ARID5A: variants seen among roughly 807,000 people sequenced by gnomAD.
The protein encoded by ARID5A is AT-rich interaction domain 5A.
A neutral mutation model predicts 30.5 loss-of-function variants in ARID5A; 14 were observed. The ratio of observed to expected loss-of-function variants is 0.46; its 90% CI spans 0.30 to 0.72. The LOEUF is 0.72. ARID5A is among the 30% of genes least tolerant of loss of function. The pLI, the probability that ARID5A is intolerant of heterozygous loss-of-function variation, is 0.07. For missense variants in ARID5A, 669 were observed against 786.2 expected (o/e 0.85, Z 1.78); for synonymous variants, 338 against 340.4 (o/e 0.99, Z 0.08).
Position 96,537,879 on chromosome 2 carries a change from G to C in ARID5A, c.4+1049G>C. Reference sequence around the variant, plus strand: ...GGTCCAGTGTCCCTTTGTTTGCAGAGTCTTGGGCCAGTAAGGAGTGCTCCG... The same window carrying C: ...GGTCCAGTGTCCCTTTGTTTGCAGACTCTTGGGCCAGTAAGGAGTGCTCCG... On this transcript the variant is annotated intron_variant, in intron 1 of 6. Transcript: ENST00000357485. The surrounding 1 kb of genome is among the most constrained non-coding windows in gnomAD (Gnocchi z 4.8). 1 of 985,574 alleles carries C rather than the reference G, an allele frequency of 1.0e-6. No individual in the cohort carries two copies. Among genetic ancestry groups the C allele is most frequent in the South Asian group, 4.7e-5 (1 of 21,294 alleles). The allele number at this position is 985,574 out of a possible 1,614,324, so 61.1% of individuals were successfully genotyped here.
At chr2:96,538,105 T>G (rs2065775032) in intron 1 of ARID5A, 2 of 985,292 alleles carry the variant, frequency 2.0e-6, no homozygotes, top group Non-Finnish European at 2.4e-6. Context: ...GGCCTAGAAC[T>G]TGGTGTGGCA....
In ARID5A at chr2:96,547,380, CT is replaced by C. The variant is rs1423503321; in HGVS notation, c.5-21del. On this transcript the variant is annotated intron_variant, in intron 1 of 6. Transcript: ENST00000357485. ...CTCTCTCCCCACCCCTTCCTCCTTA[CT>C]CCTTCCCTCTCTCCTTGCAGCAGCC... 6 of 1,605,044 alleles carry C rather than the reference CT, an allele frequency of 3.7e-6. No homozygotes were observed. In the African/African-American group the frequency reaches 8.0e-5, roughly 21 times the overall value.
intron 1 of ARID5A, among the ~76,000 whole-genome samples, chr2:96,547,078 G>T (rs564736666): frequency 6.6e-6 from 1 of 152,110 alleles, no homozygotes; most frequent in Non-Finnish European, 1.5e-5. Context: ...GTCGGGGAGC[G>T]GGGAGGAGGG....
intron 1 of ARID5A, 150 bp downstream of exon 1, chr2:96,536,980 C>T (rs2065744310): frequency 1.9e-6 from 2 of 1,035,554 alleles, no homozygotes; most frequent in Non-Finnish European, 2.5e-6. Flanking sequence ...GGGGCGCGGG[C>T]CAAGGGGAGC....
At chr2:96,546,409 G>GGCGTT (rs2065928973) in intron 1 of ARID5A, among the ~76,000 whole-genome samples, 1 of 152,248 alleles carries the variant, frequency 6.6e-6, no homozygotes, top group African/African-American at 2.4e-5. Flanking sequence ...TTTTTGCAGT[G>GGCGTT]GCAGAGGTGT....
intron 1 of ARID5A, among the ~76,000 whole-genome samples, chr2:96,538,515 G>C (rs1431254911): frequency 2.6e-5 from 4 of 152,200 alleles, no homozygotes; most frequent in African/African-American, 9.6e-5. Context: ...TGCCCTGTTA[G>C]GGAGTGGGGG....
intron 2 of ARID5A, among the ~76,000 whole-genome samples, chr2:96,548,616 C>T (rs1370237736): frequency 5.3e-5 from 8 of 152,188 alleles, no homozygotes; most frequent in Non-Finnish European, 7.3e-5. Flanking sequence ...TGTCCTAGTC[C>T]AGATGGTTTA....
chr2:96,552,173 G>T lies in ARID5A; in HGVS notation c.1645G>T (p.Ala549Ser), dbSNP rs544853265. The change falls in exon 7 of 7, where the codon GCT becomes TCT. Residue 549 changes from alanine to serine, a missense_variant. Transcript: ENST00000357485. ...LATAGPSPMA[A>S]GLMHFPPTSF... ...CACCGCAGGCCCCTCGCCCATGGCC[G>T]CTGGCCTGATGCACTTCCCCCCAAC... 1 of 1,613,220 alleles carries T rather than the reference G, an allele frequency of 6.2e-7. No individual in the cohort carries two copies. Among genetic ancestry groups the T allele is most frequent in the Admixed American group, 1.7e-5 (1 of 60,008 alleles).
In ARID5A at chr2:96,549,471, G is replaced by C; in HGVS notation, c.259+12G>C. On this transcript the variant is annotated intron_variant, in intron 3 of 6. Transcript: ENST00000357485. This position sits in a 1 kb window ranked among gnomAD's most constrained non-coding sequence, Gnocchi z 6.1. The stretch of plus-strand genomic sequence containing the variant: ...CGGCTTCAAGCAGAGTGCGTCCCTG[G>C]GGTGCAGGCAGGGAGGGGGGCCCAG... The C allele has an allele frequency of 6.2e-7, 1 of 1,610,752 alleles. No homozygotes were observed. Among genetic ancestry groups the C allele is most frequent in the East Asian group, 2.2e-5 (1 of 44,796 alleles).
intron 1 of ARID5A, among the ~76,000 whole-genome samples, chr2:96,545,524 G>C (rs895296080): frequency 1.7e-4 from 26 of 152,214 alleles, no homozygotes; most frequent in African/African-American, 6.3e-4. Flanking sequence ...GACAACAAAG[G>C]ATTTAGAATG....
Position 96,549,979 on chromosome 2 carries a change from C to A in ARID5A, c.312+174C>A. On this transcript the variant is annotated intron_variant, in intron 4 of 6. Coordinates refer to ENST00000357485, the MANE Select transcript of ARID5A (RefSeq NM_212481.3). This position sits in a 1 kb window ranked among gnomAD's most constrained non-coding sequence, Gnocchi z 6.1. ...CTGCTCAAAGCAGCTTTTCAGCCTTCCCCATCTGTTCTGCCCGCCCCGTGT... is the reference window on the plus strand; with the variant it reads ...CTGCTCAAAGCAGCTTTTCAGCCTTACCCATCTGTTCTGCCCGCCCCGTGT... 1 of 1,533,492 alleles carries A rather than the reference C, an allele frequency of 6.5e-7. No individual in the cohort carries two copies. Among genetic ancestry groups the A allele is most frequent in the Non-Finnish European group, 8.7e-7 (1 of 1,143,908 alleles). The allele number at this position is 1,533,492 out of a possible 1,614,324, so 95.0% of individuals were successfully genotyped here. A position where few individuals can be genotyped will look rare whatever the true frequency, so the allele number is the denominator to read the frequency against.
intron 1 of ARID5A, 123 bp downstream of exon 1, chr2:96,536,953 G>T (rs2065743710): frequency 4.3e-6 from 5 of 1,160,932 alleles, no homozygotes; most frequent in Non-Finnish European, 5.4e-6. Flanking sequence ...GGCGGAGAGG[G>T]GCCCGGGGTG....
intron 1 of ARID5A, 81 bp downstream of exon 1, chr2:96,536,911 C>G: frequency 8.2e-7 from 1 of 1,220,856 alleles, no homozygotes. Flanking sequence ...CGGGTCCCCT[C>G]CAGCCCTCGT....
At chr2:96,544,591 C>T (rs2065895786) in intron 1 of ARID5A, among the ~76,000 whole-genome samples, 1 of 152,160 alleles carries the variant, frequency 6.6e-6, no homozygotes, top group African/African-American at 2.4e-5. Flanking sequence ...CTGTTGAGAC[C>T]TACTGCTCAG....
At chr2:96,546,764 A>G (rs1440740854) in intron 1 of ARID5A, among the ~76,000 whole-genome samples, 2 of 152,242 alleles carry the variant, frequency 1.3e-5, no homozygotes. Flanking sequence ...AACTCTGCAG[A>G]TGCTCAGGGA....
At chr2:96,538,031 G>A (rs1413276898) in intron 1 of ARID5A, 4 of 985,510 alleles carry the variant, frequency 4.1e-6, no homozygotes, top group Non-Finnish European at 4.8e-6. Flanking sequence ...GGGAGGTCGG[G>A]GCTCGAGGGC....
intron 1 of ARID5A, 140 bp from the exon 2 acceptor site, chr2:96,547,262 T>C (rs1341339395): frequency 6.2e-6 from 4 of 648,182 alleles, no homozygotes; most frequent in Middle Eastern, 2.6e-4. Context: ...AGTGCTGGGA[T>C]CACAGGAGTG....
At position 96,551,458 on chromosome 2, in the gene ARID5A, C is replaced by G. The variant is rs760266778; in HGVS notation, c.930C>G (p.His310Gln). 6.3e-7 allele frequency: 1 copy of G among 1,589,696 alleles called. No individual in the cohort carries two copies. The highest frequency in any genetic ancestry group is 8.6e-7 in the Non-Finnish European group (1 of 1,168,364). Residue 310 changes from histidine (H) to glutamine (Q), a missense_variant, in exon 7 of 7, where the codon CAC becomes CAG. By Grantham distance (24) the His-to-Gln change is conservative. Coordinates refer to ENST00000357485, the MANE Select transcript of ARID5A (RefSeq NM_212481.3). ...AAGGGCTGACTGAGAACTCCAGGCA[C>G]CGGCTGACCCCTCAGGAGGGATTGC... ...SPKGLTENSR[H>Q]RLTPQEGLQA...
chr2:96,550,333 C>T lies in ARID5A; in HGVS notation c.410+48C>T. On this transcript the variant is annotated intron_variant, in intron 5 of 6. Coordinates refer to ENST00000357485, the MANE Select transcript of ARID5A (RefSeq NM_212481.3). This position sits in a 1 kb window ranked among gnomAD's most constrained non-coding sequence, Gnocchi z 6.6. The stretch of plus-strand genomic sequence containing the variant: ...GCTGGACGCCGCCTACCCTGCGGGG[C>T]TTTGGCCGACCTTGCCGGGAGGGCC... 3 of 1,424,116 alleles carry T rather than the reference C, an allele frequency of 2.1e-6. No individual in the cohort carries two copies. Among genetic ancestry groups the T allele is most frequent in the Non-Finnish European group, 2.7e-6 (3 of 1,096,696 alleles). 88.2% of individuals were successfully genotyped at this position (1,424,116 alleles called of 1,614,324 possible).
Sources: gnomAD v4.1 joint callset for allele counts (sites outside exome capture counted in the v4.1 genomes callset) on GRCh38, gnomAD v4.1.1 for gene constraint, Gnocchi (gnomAD v3.1) non-coding constraint, MANE v1.5 for transcripts, NCBI Gene and HGNC (gene_info 2026-07-23, HGNC 2026-07-21) for gene names.